The following SASH1 variants were observed in gnomAD, a reference collection of about 807,000 sequenced individuals.
The protein encoded by SASH1 is SAM and SH3 domain-containing protein 1.
In SASH1, 44 loss-of-function variants were observed where a neutral mutation model predicts 125.2. The ratio of observed to expected loss-of-function variants is 0.35; its 90% CI spans 0.28 to 0.45. The LOEUF (loss-of-function observed/expected upper bound fraction) is 0.45. Ranked by LOEUF, SASH1 falls within the 20% of genes least tolerant of loss-of-function variation. SASH1 has a pLI of 1.00. For synonymous variants in SASH1, 639 were observed against 649.1 expected (o/e 0.98, Z 0.24); for missense variants, 1,426 against 1,614.5 (o/e 0.88, Z 2.00).
At chr6:148,244,926 G>GTA in the SASH1 span, among the ~76,000 whole-genome samples, 1 of 137,682 alleles carries the variant, frequency 7.3e-6, no homozygotes, top group Non-Finnish European at 1.6e-5. Flanking sequence ...GTGTGTGTGT[G>GTA]TGTGTATGTG....
At chr6:148,300,630 T>C (rs1779914400) in intron 1 of SASH1, among the ~76,000 whole-genome samples, 1 of 151,780 alleles carries the variant, frequency 6.6e-6, no homozygotes, top group South Asian at 2.1e-4. Context: ...ATTTTTATAT[T>C]TATATTCTTA....
intron 1 of SASH1, among the ~76,000 whole-genome samples, chr6:148,314,674 T>C (rs1156562073): frequency 6.6e-6 from 1 of 152,186 alleles, no homozygotes; most frequent in African/African-American, 2.4e-5. Context: ...TTACTGTCTT[T>C]AGTTCAAGAG....
chr6:148,269,587 G>C (rs1381368780), upstream of SASH1, among the ~76,000 whole-genome samples: 1 of 152,114 alleles, frequency 6.6e-6, no homozygotes, highest in Non-Finnish European at 1.5e-5. Flanking sequence ...ATACTTTCCT[G>C]TTCTTTGTTG....
chr6:148,239,755 A>G, the SASH1 span, among the ~76,000 whole-genome samples: 4 of 151,678 alleles, frequency 2.6e-5, no homozygotes, highest in South Asian at 8.3e-4. Context: ...ACTTTAGGAA[A>G]TGTTATCATG....
intron 4 of SASH1, among the ~76,000 whole-genome samples, chr6:148,453,251 G>A (rs769121123): frequency 6.6e-6 from 1 of 152,218 alleles, no homozygotes; most frequent in South Asian, 2.1e-4. Flanking sequence ...ATTGTTTAAT[G>A]TACGGAGGTG....
At chr6:148,334,578 G>A (rs1266177578) in intron 1 of SASH1, among the ~76,000 whole-genome samples, 2 of 151,952 alleles carry the variant, frequency 1.3e-5, no homozygotes, top group African/African-American at 2.4e-5. Flanking sequence ...TTGGGAGGCC[G>A]AGGCAGGCGG....
intron 1 of SASH1, among the ~76,000 whole-genome samples, chr6:148,296,288 G>A (rs1370720567): frequency 6.6e-5 from 10 of 152,110 alleles, no homozygotes; most frequent in Non-Finnish European, 2.9e-5. Context: ...ACCATGCCCA[G>A]CTAATTTTTG....
chr6:148,290,594 A>G (rs532459459), intron 1 of SASH1, among the ~76,000 whole-genome samples: 106 of 152,200 alleles, frequency 7.0e-4, no homozygotes, highest in African/African-American at 2.3e-3. Flanking sequence ...TGACAGAGTG[A>G]GATTCCGTCT....
chr6:148,423,712 G>A lies in SASH1; in HGVS notation c.286-16472G>A, dbSNP rs1164317400. 4.6e-5 allele frequency among the ~76,000 whole-genome samples: 7 copies of A among 152,202 alleles called. No individual in the cohort carries two copies. The East Asian group carries it at 9.6e-4, about 21-fold the overall frequency. ...TGCGAGCTCTTGAAGGTCAGTGACT[G>A]TTTTTTTATACTGCCAGTACCCAGC... On this transcript the variant is annotated intron_variant, in intron 2 of 19. Coordinates refer to ENST00000367467, the MANE Select transcript of SASH1 (RefSeq NM_015278.5).
At chr6:148,210,793 T>C in the SASH1 span, among the ~76,000 whole-genome samples, 1 of 152,178 alleles carries the variant, frequency 6.6e-6, no homozygotes, top group South Asian at 2.1e-4. Context: ...TTAATTGAGC[T>C]CTAATTACTA....
chr6:148,417,696 T>C (rs963598212), intron 2 of SASH1, among the ~76,000 whole-genome samples: 1 of 151,166 alleles, frequency 6.6e-6, no homozygotes, highest in Non-Finnish European at 1.5e-5. Flanking sequence ...ACTTAATCTC[T>C]CCATGCCTCA....
At chr6:148,318,989 G>A (rs1334070431) in intron 1 of SASH1, among the ~76,000 whole-genome samples, 3 of 116,326 alleles carry the variant, frequency 2.6e-5, no homozygotes, top group Non-Finnish European at 3.6e-5. Flanking sequence ...CCATTCTCCT[G>A]TTATGGAATA....
chr6:148,366,712 C>G (rs949981419), intron 1 of SASH1, among the ~76,000 whole-genome samples: 7 of 151,118 alleles, frequency 4.6e-5, no homozygotes, highest in Admixed American at 4.6e-4. Context: ...ATTCTCCTGC[C>G]TCAGCCTCCT....
chr6:148,349,688 C>T (rs1371565673), intron 1 of SASH1, among the ~76,000 whole-genome samples: 1 of 152,166 alleles, frequency 6.6e-6, no homozygotes, highest in Non-Finnish European at 1.5e-5. Context: ...GAGTCATTAC[C>T]TGTCCTCTGG....
intron 8 of SASH1, among the ~76,000 whole-genome samples, chr6:148,511,881 C>T (rs955921372): frequency 2.4e-4 from 37 of 152,236 alleles, no homozygotes; most frequent in African/African-American, 8.7e-4. Flanking sequence ...ACACCCACAC[C>T]ACCACCACCA....
At chr6:148,252,668 A>G in the SASH1 span, among the ~76,000 whole-genome samples, 3 of 152,020 alleles carry the variant, frequency 2.0e-5, no homozygotes, top group South Asian at 6.2e-4. Flanking sequence ...TAGTAGAGGC[A>G]GGGTTTCGCC....
At chr6:148,468,453 G>A (rs1281921244) in intron 4 of SASH1, 92 bp from the exon 5 acceptor site, 3 of 918,828 alleles carry the variant, frequency 3.3e-6, no homozygotes, top group African/African-American at 3.3e-5. Context: ...GTATTAAGTA[G>A]TATTGATGCT....
intron 9 of SASH1, among the ~76,000 whole-genome samples, chr6:148,515,229 TG>T (rs1261012016): frequency 1.3e-5 from 2 of 152,072 alleles, no homozygotes; most frequent in African/African-American, 4.8e-5. Context: ...TGAAAATAAT[TG>T]AATTGGATAA....
chr6:148,510,217 GA>G (rs1780039176), intron 8 of SASH1, among the ~76,000 whole-genome samples: 1 of 152,172 alleles, frequency 6.6e-6, no homozygotes, highest in Non-Finnish European at 1.5e-5. Flanking sequence ...CTTTCTGCTG[GA>G]AAAAAATCTG....
Sources: allele counts gnomAD v4.1 joint callset (sites outside exome capture counted in the v4.1 genomes callset), GRCh38; gene constraint gnomAD v4.1.1; transcripts MANE v1.5; gene names NCBI Gene and HGNC (gene_info 2026-07-23, HGNC 2026-07-21).